The following AKNA variants were observed in gnomAD, a reference collection of about 807,000 sequenced individuals.
The protein encoded by AKNA is AT-hook transcription factor.
Under a neutral mutation model 138.8 loss-of-function variants are expected in AKNA, and 67 were observed. That is an observed-to-expected ratio of 0.48 (90% CI 0.40 to 0.59). The LOEUF is 0.59. Among genes scored for constraint, AKNA ranks in the 20% least tolerant of loss-of-function variants. The pLI is 0.00. For synonymous variants in AKNA, 737 were observed against 754.4 expected (o/e 0.98, Z 0.38); for missense variants, 1,813 against 1,880.4 (o/e 0.96, Z 0.66).
chr9:114,361,478 T>A (rs1831955109), intron 9 of AKNA, among the ~76,000 whole-genome samples: 2 of 151,976 alleles, frequency 1.3e-5, no homozygotes, highest in Non-Finnish European at 2.9e-5. Context: ...TACAGAAAAC[T>A]CTGTGAAGGT....
intron 14 of AKNA, among the ~76,000 whole-genome samples, chr9:114,351,794 G>A (rs1189603673): frequency 1.3e-5 from 2 of 152,100 alleles, no homozygotes; most frequent in Admixed American, 1.3e-4. Flanking sequence ...TGGCGACACT[G>A]CACTGCAGCC....
intron 1 of AKNA, among the ~76,000 whole-genome samples, chr9:114,385,418 C>T (rs377097813): frequency 5.3e-4 from 81 of 152,346 alleles, no homozygotes; most frequent in African/African-American, 1.9e-3. Context: ...GCTGTTATGG[C>T]AGGTGGAGAA....
intron 18 of AKNA, chr9:114,344,638 G>A (rs1830564027): frequency 6.6e-6 from 1 of 152,266 alleles, no homozygotes; most frequent in South Asian, 2.1e-4. Flanking sequence ...GCCATTTTCT[G>A]TGAGACTGAC....
chr9:114,377,330 G>T lies in AKNA; in HGVS notation c.477C>A (p.Ser159Arg). 1.2e-6 allele frequency: 2 copies of T among 1,614,076 alleles called. No homozygotes were observed. The highest frequency in any genetic ancestry group is 1.7e-6 in the Non-Finnish European group (2 of 1,179,986). ...CCTGACCATGCCCAAGAGCCATGGGGCTGGTGTTTCCATGGCCTTCCAAGC... is the reference window on the plus strand; with the variant it reads ...CCTGACCATGCCCAAGAGCCATGGGTCTGGTGTTTCCATGGCCTTCCAAGC... ...GLSLEGHGNTSPMALGHGQAR... is the reference protein window; with the variant it reads ...GLSLEGHGNTRPMALGHGQAR... Residue 159 changes from serine to arginine, a missense_variant, in exon 3 of 22, where the codon AGC becomes AGA. Ser to Arg is a moderately radical substitution (Grantham distance 110). Coordinates refer to ENST00000374088, the MANE Select transcript of AKNA (RefSeq NM_001317950.2).
intron 21 of AKNA, among the ~76,000 whole-genome samples, chr9:114,339,239 T>G (rs1165064340): frequency 6.6e-6 from 1 of 152,162 alleles, no homozygotes; most frequent in East Asian, 1.9e-4. Context: ...CCCTCTGGGC[T>G]GGAAAGTCTC....
intron 19 of AKNA, among the ~76,000 whole-genome samples, chr9:114,342,717 C>T (rs1354284832): frequency 1.3e-5 from 2 of 152,200 alleles, no homozygotes; most frequent in Non-Finnish European, 2.9e-5. Context: ...TCAACCACCA[C>T]TCCCTCTGGG....
At chr9:114,388,670 T>C (rs1431159525), upstream of AKNA, among the ~76,000 whole-genome samples, 1 of 152,210 alleles carries the variant, frequency 6.6e-6, no homozygotes, top group African/African-American at 2.4e-5. Flanking sequence ...TCAGTCGAGC[T>C]ATCTTTCCTC....
At chr9:114,355,447 G>A (rs1401642834) in intron 14 of AKNA, among the ~76,000 whole-genome samples, 1 of 152,228 alleles carries the variant, frequency 6.6e-6, no homozygotes, top group East Asian at 1.9e-4. Context: ...AAAGTGCTGG[G>A]ATTACAGGCA....
Position 114,347,788 on chromosome 9 carries a change from G to A in AKNA, c.3334C>T (p.Arg1112Cys), listed in dbSNP as rs1243911356. 1.5e-5 allele frequency: 24 copies of A among 1,549,080 alleles called. No individual in the cohort carries two copies. The highest frequency in any genetic ancestry group is 2.7e-5 in the African/African-American group (2 of 72,900). ...SPTRPASAFD[R>C]PARTRGRPAD... is the part of the protein sequence containing the mutation. ...GGCCGGCCGCGGGTCCGGGCGGGGC[G>A]GTCAAAGGCAGATGCTGGGCGTGTC... The change falls in exon 16 of 22, where the codon CGC (arginine) becomes TGC (cysteine). Residue 1112 changes from arginine to cysteine, a missense_variant. Coordinates refer to ENST00000374088, the MANE Select transcript of AKNA (RefSeq NM_001317950.2).
Position 114,367,587 on chromosome 9 carries a change from G to A in AKNA, c.1684C>T (p.Gln562Ter), listed in dbSNP as rs1399708278. ...GCCTGAGAAGCCAGTGCCTGGGTCT[G>A]CTCTGCTGAGGACTGGTCCTCAGAG... The part of the protein sequence containing the change: ...DISEDQSSAE[Q>*]TQALASQASQ... The change falls in exon 6 of 22, where the codon CAG (glutamine) becomes TAG (stop). Residue 562 changes from glutamine (Q) to a stop codon, truncating the protein, a stop_gained. Transcript: ENST00000374088. LOFTEE classifies it high-confidence loss of function. The A allele has an allele frequency of 6.2e-7, 1 of 1,613,886 alleles. No individual in the cohort carries two copies. The highest frequency in any genetic ancestry group is 2.2e-5 in the East Asian group (1 of 44,878).
chr9:114,379,310 G>A (rs367859219), intron 2 of AKNA, among the ~76,000 whole-genome samples: 24 of 152,388 alleles, frequency 1.6e-4, no homozygotes, highest in African/African-American at 5.5e-4. Flanking sequence ...GTGGTGAGGA[G>A]GGAACAAGAG....
intron 15 of AKNA, among the ~76,000 whole-genome samples, chr9:114,349,772 C>T (rs570905134): frequency 6.6e-6 from 1 of 152,194 alleles, no homozygotes; most frequent in Non-Finnish European, 1.5e-5. Flanking sequence ...CAACACTCCA[C>T]CCCCTCACAC....
chr9:114,366,590 G>A (rs888272103), intron 6 of AKNA, among the ~76,000 whole-genome samples: 10 of 151,906 alleles, frequency 6.6e-5, no homozygotes, highest in Admixed American at 2.6e-4. Context: ...ACTAAAAACC[G>A]CTGAAGCAAG....
rs776034771 is a variant in AKNA at position 114,336,123 on chromosome 9, C to G, written c.*931G>C. ...AAGTTAATGACATACAGCAGAGACA[C>G]GGATGGCTTTGGGTATTTTTTTTGT... On this transcript the variant is annotated 3_prime_UTR_variant, in exon 22 of 22. Coordinates refer to ENST00000374088, the MANE Select transcript of AKNA (RefSeq NM_001317950.2). The G allele has an allele frequency of 2.0e-5, 3 of 152,562 alleles. No individual in the cohort carries two copies. Among genetic ancestry groups the G allele is most frequent in the Non-Finnish European group, 4.4e-5 (3 of 68,050 alleles). 9.5% of individuals were successfully genotyped at this position (152,562 alleles called of 1,614,324 possible).
intron 4 of AKNA, among the ~76,000 whole-genome samples, chr9:114,370,144 T>C (rs1200045909): frequency 1.1e-4 from 16 of 152,208 alleles, no homozygotes. Context: ...TTAAGCTGTA[T>C]AGGTCCCGGC....
intron 19 of AKNA, among the ~76,000 whole-genome samples, chr9:114,343,477 T>G (rs1830489139): frequency 6.6e-6 from 1 of 152,192 alleles, no homozygotes; most frequent in Non-Finnish European, 1.5e-5. Context: ...GGAGGCCACC[T>G]ATCAGGACCC....
intron 2 of AKNA, among the ~76,000 whole-genome samples, chr9:114,378,264 T>C (rs1833389776): frequency 1.3e-5 from 2 of 152,214 alleles, no homozygotes; most frequent in Non-Finnish European, 2.9e-5. Context: ...AGTTAACTCC[T>C]ATCTGTCCTT....
At chr9:114,352,894 C>T (rs1012971883) in intron 14 of AKNA, among the ~76,000 whole-genome samples, 3 of 151,352 alleles carry the variant, frequency 2.0e-5, no homozygotes, top group African/African-American at 7.3e-5. Flanking sequence ...GCACTCCAGC[C>T]TGGACAACAG....
chr9:114,371,621 GGT>G (rs1832773276), intron 4 of AKNA, among the ~76,000 whole-genome samples: 1 of 152,162 alleles, frequency 6.6e-6, no homozygotes, highest in African/African-American at 2.4e-5. Flanking sequence ...GCTGTGCCTT[GGT>G]GTGTGTGTGG....
Sources: gnomAD v4.1 joint callset for allele counts (sites outside exome capture counted in the v4.1 genomes callset) on GRCh38, gnomAD v4.1.1 for gene constraint, MANE v1.5 for transcripts, NCBI Gene and HGNC (gene_info 2026-07-23, HGNC 2026-07-21) for gene names.